Variants in PIEZO2 observed in about 807,000 individuals in gnomAD.
PIEZO2 encodes the protein piezo-type mechanosensitive ion channel component 2.
A neutral mutation model predicts 337.3 loss-of-function variants in PIEZO2; 172 were observed. The ratio of observed to expected loss-of-function variants is 0.51; its 90% CI spans 0.45 to 0.58. PIEZO2 has a LOEUF of 0.58. Ranked by LOEUF, PIEZO2 falls within the 20% of genes least tolerant of loss-of-function variation. The pLI is 0.00. For missense variants in PIEZO2, 3,028 were observed against 3,391.3 expected, an observed-to-expected ratio of 0.89 and a Z score of 2.66; for synonymous variants, 1,251 against 1,228.5, an observed-to-expected ratio of 1.02 and a Z score of -0.38.
At chr18:10,723,083 T>C (rs2036390569) in intron 36 of PIEZO2, among the ~76,000 whole-genome samples, 1 of 146,728 alleles carries the variant, frequency 6.8e-6, no homozygotes, top group African/African-American at 2.5e-5. Context: ...TTCTCCTACC[T>C]CAGCCTCCCA....
In PIEZO2 at chr18:11,066,226, T is replaced by C; in HGVS notation, c.65-4A>G. ...CCATTGTATCGGAATGCACATGCTG[T>C]GGGTGGGAAGAGAGAAGAGAGTGAG... On this transcript the variant is annotated splice_polypyrimidine_tract_variant and splice_region_variant and intron_variant, in intron 1 of 55. Coordinates refer to ENST00000674853, the MANE Select transcript of PIEZO2 (RefSeq NM_001378183.1). 1 of 1,533,200 alleles carries C rather than the reference T, an allele frequency of 6.5e-7. No individual in the cohort carries two copies. Among genetic ancestry groups the C allele is most frequent in the African/African-American group, 1.4e-5 (1 of 72,984 alleles). The allele number at this position is 1,533,200 out of a possible 1,614,324, so 95.0% of individuals were successfully genotyped here.
At chr18:10,829,931 GA>G (rs59199219) in intron 7 of PIEZO2, among the ~76,000 whole-genome samples, 295 of 136,400 alleles carry the variant, frequency 2.2e-3, no homozygotes, top group Admixed American at 2.9e-3. Context: ...CACAGAAGTA[GA>G]AAAAAAAAAA....
In PIEZO2 at chr18:10,746,444, C is replaced by T. The variant is rs2037426314; in HGVS notation, c.4424+2027G>A. On this transcript the variant is annotated intron_variant, in intron 30 of 55. Transcript: ENST00000674853. The surrounding 1 kb of genome is among the most constrained non-coding windows in gnomAD (Gnocchi z 4.2). The stretch of plus-strand genomic sequence containing the variant: ...CCCTGCCTTCTCCTCTGACTAACTC[C>T]TCTTCATCCTTCAGCCTGCACTGGG... Among the ~76,000 whole-genome samples, 1 of 152,206 alleles carries T rather than the reference C, an allele frequency of 6.6e-6. No individual in the cohort carries two copies. The highest frequency in any genetic ancestry group is 2.4e-5 in the African/African-American group (1 of 41,452).
rs960191799 is a variant in PIEZO2 at position 11,063,663 on chromosome 18, C to A, written c.160+2464G>T. Among the ~76,000 whole-genome samples, 44 of 152,180 alleles carry A rather than the reference C, an allele frequency of 2.9e-4. 1 individual carries two copies. The highest frequency in any genetic ancestry group is 8.7e-4 in the African/African-American group (36 of 41,446). ...GTGGGGTCTGCATTAGCACATCCTG[C>A]CAGCAATACATGGTGGCCTAACAGG... On this transcript the variant is annotated intron_variant, in intron 2 of 55. Coordinates refer to ENST00000674853, the MANE Select transcript of PIEZO2 (RefSeq NM_001378183.1).
At chr18:11,018,028 G>A (rs547762876) in intron 2 of PIEZO2, among the ~76,000 whole-genome samples, 101 of 152,272 alleles carry the variant, frequency 6.6e-4, no homozygotes, top group Middle Eastern at 3.4e-3. Context: ...TCACTGTTCT[G>A]GTGGCTAAAA....
intron 1 of PIEZO2, among the ~76,000 whole-genome samples, chr18:11,133,111 C>T (rs1166139880): frequency 2.0e-5 from 3 of 152,174 alleles, no homozygotes; most frequent in Non-Finnish European, 2.9e-5. Flanking sequence ...AACTGTTATG[C>T]GTTATTTCCT....
intron 8 of PIEZO2, 28 bp from the exon 9 acceptor site, chr18:10,804,022 G>GC (rs1568077765): frequency 7.5e-5 from 115 of 1,536,138 alleles, no homozygotes; most frequent in Non-Finnish European, 9.4e-5. Flanking sequence ...GATCAGTCTT[G>GC]CTTCCTGAGG....
rs1490480506 is a variant in PIEZO2 at position 11,112,243 on chromosome 18, G to A, written c.64+36282C>T. On this transcript the variant is annotated intron_variant, in intron 1 of 55. Coordinates refer to ENST00000674853, the MANE Select transcript of PIEZO2 (RefSeq NM_001378183.1). This position sits in a 1 kb window ranked among gnomAD's most constrained non-coding sequence, Gnocchi z 4.3. Reference sequence around the variant, plus strand: ...TTCGGATATTTGTAAAGATAACGGTGACTTTTCAAGTTCTGAATACCAACT... The same window carrying A: ...TTCGGATATTTGTAAAGATAACGGTAACTTTTCAAGTTCTGAATACCAACT... Among the ~76,000 whole-genome samples, 2 of 152,178 alleles carry A rather than the reference G, an allele frequency of 1.3e-5. No individual in the cohort carries two copies. The highest frequency in any genetic ancestry group is 2.9e-5 in the Non-Finnish European group (2 of 68,034).
At chr18:10,758,900 G>C (rs1412514749) in intron 26 of PIEZO2, among the ~76,000 whole-genome samples, 1 of 152,200 alleles carries the variant, frequency 6.6e-6, no homozygotes, top group African/African-American at 2.4e-5. Flanking sequence ...CTGAACACAA[G>C]CTGCTTCCTT....
At chr18:10,734,719 C>A (rs989980365) in intron 35 of PIEZO2, among the ~76,000 whole-genome samples, 3 of 152,142 alleles carry the variant, frequency 2.0e-5, no homozygotes, top group African/African-American at 7.2e-5. Context: ...TTGAGGAGCC[C>A]GCAGACTGCA....
intron 2 of PIEZO2, among the ~76,000 whole-genome samples, chr18:10,990,246 A>G (rs1204827794): frequency 6.6e-6 from 1 of 152,252 alleles, no homozygotes. Flanking sequence ...CATGTATCTT[A>G]CAAATATGTT....
intron 4 of PIEZO2, among the ~76,000 whole-genome samples, chr18:10,881,211 C>G (rs2042410910): frequency 6.6e-6 from 1 of 151,862 alleles, no homozygotes; most frequent in Admixed American, 6.6e-5. Flanking sequence ...GCTGGATTTT[C>G]AGGAGATATA....
intron 2 of PIEZO2, among the ~76,000 whole-genome samples, chr18:11,025,098 T>C (rs963771532): frequency 5.9e-5 from 9 of 152,140 alleles, no homozygotes; most frequent in Non-Finnish European, 1.0e-4. Flanking sequence ...ATTAGGAATG[T>C]AGGCTCTCAA....
At position 10,952,062 on chromosome 18, in the gene PIEZO2, T is replaced by C. The variant is rs1401945029; in HGVS notation, c.286+27473A>G. 1.3e-5 allele frequency among the ~76,000 whole-genome samples: 2 copies of C among 152,156 alleles called. No individual in the cohort carries two copies. Among genetic ancestry groups the C allele is most frequent in the Non-Finnish European group, 2.9e-5 (2 of 68,040 alleles). On this transcript the variant is annotated intron_variant, in intron 3 of 55. Coordinates refer to ENST00000674853, the MANE Select transcript of PIEZO2 (RefSeq NM_001378183.1). The surrounding 1 kb of genome is among the most constrained non-coding windows in gnomAD (Gnocchi z 4.1). ...CCACAATAGCTCTTGGGGAAAGTCA[T>C]CATGATCTTGAGAACCTGTGGCTGC...
At chr18:10,858,904 T>C (rs561437966) in intron 5 of PIEZO2, among the ~76,000 whole-genome samples, 15 of 152,198 alleles carry the variant, frequency 9.9e-5, no homozygotes, top group Non-Finnish European at 1.9e-4. Context: ...TATTTTTTTC[T>C]GAAGCAAAAG....
Position 11,003,126 on chromosome 18 carries a change from G to A in PIEZO2, c.161-23466C>T, listed in dbSNP as rs973653734. On this transcript the variant is annotated intron_variant, in intron 2 of 55. Coordinates refer to ENST00000674853, the MANE Select transcript of PIEZO2 (RefSeq NM_001378183.1). The surrounding 1 kb of genome is among the most constrained non-coding windows in gnomAD (Gnocchi z 4.6). ...TGCCCTCCCAGGTCTTCCTCCAGCA[G>A]GCAGGATGGCACTTGGAGTCTGGGT... Among the ~76,000 whole-genome samples the A allele has an allele frequency of 6.6e-6, 1 of 152,206 alleles. No homozygotes were observed. The highest frequency in any genetic ancestry group is 1.5e-5 in the Non-Finnish European group (1 of 68,034).
rs1402284938 is a variant in PIEZO2, at chr18:11,048,561, C to T, written c.160+17566G>A. Among the ~76,000 whole-genome samples the T allele has an allele frequency of 2.0e-5, 3 of 152,126 alleles. No homozygotes were observed. Among genetic ancestry groups the T allele is most frequent in the Non-Finnish European group, 4.4e-5 (3 of 68,022 alleles). On this transcript the variant is annotated intron_variant, in intron 2 of 55. Coordinates refer to ENST00000674853, the MANE Select transcript of PIEZO2 (RefSeq NM_001378183.1). This position sits in a 1 kb window ranked among gnomAD's most constrained non-coding sequence, Gnocchi z 4.5. ...ATGCATAATCTCTACATTTATCTTC[C>T]CTCACTATTAATTTTATAGTAAGAT...
At chr18:11,030,407 T>A (rs1273182206) in intron 2 of PIEZO2, among the ~76,000 whole-genome samples, 1 of 152,022 alleles carries the variant, frequency 6.6e-6, no homozygotes. Flanking sequence ...TCATTAGTTA[T>A]CTGTAAGGGT....
intron 2 of PIEZO2, among the ~76,000 whole-genome samples, chr18:11,012,291 T>C (rs186770576): frequency 1.3e-5 from 2 of 152,348 alleles, no homozygotes; most frequent in East Asian, 3.9e-4. Flanking sequence ...GCAGCATTTT[T>C]TTCTCATGTA....
Sources: gnomAD v4.1 joint callset for allele counts (sites outside exome capture counted in the v4.1 genomes callset) on GRCh38, gnomAD v4.1.1 for gene constraint, Gnocchi (gnomAD v3.1) non-coding constraint, MANE v1.5 for transcripts, NCBI Gene and HGNC (gene_info 2026-07-23, HGNC 2026-07-21) for gene names.